BPIFB3: variants seen among roughly 807,000 people sequenced by gnomAD.
BPIFB3 encodes the protein BPI fold-containing family B member 3.
In BPIFB3, 49 loss-of-function variants were observed where a neutral mutation model predicts 53.1. The observed-to-expected ratio is 0.92, with a 90% CI of 0.73 to 1.17. The LOEUF (loss-of-function observed/expected upper bound fraction) is 1.17. Among genes scored for constraint, BPIFB3 ranks in the 50% most tolerant of loss-of-function variants. The probability of loss-of-function intolerance (pLI) is 0.00; values close to 1 mark genes in which losing one functional copy is unlikely to be tolerated. For synonymous variants in BPIFB3, 271 were observed against 269.6 expected (o/e 1.01, Z -0.05); for missense variants, 628 against 592.5 (o/e 1.06, Z -0.62).
chr20:33,056,498 A>G, intron 1 of BPIFB3, 44 bp from the exon 3 acceptor site: 2 of 1,608,826 alleles, frequency 1.2e-6, no homozygotes, highest in Non-Finnish European at 1.7e-6. Context: ...CCTGGGGGTG[A>G]GGTTGGAGTT....
At chr20:33,071,230 A>C in intron 11 of BPIFB3, 23 bp from the exon 13 acceptor site, 1 of 1,556,276 alleles carries the variant, frequency 6.4e-7, no homozygotes. Flanking sequence ...CGGGGGCCCC[A>C]GCATCTCTCT....
At chr20:33,060,154 C>A in intron 4 of BPIFB3, 123 bp downstream of exon 5, 1 of 1,316,156 alleles carries the variant, frequency 7.6e-7, no homozygotes, top group Non-Finnish European at 1.0e-6. Flanking sequence ...CCTACCCCTG[C>A]TTGTCCCGCC....
At chr20:33,059,734 G>C (rs2146382086) in intron 3 of BPIFB3, among the ~76,000 whole-genome samples, 157 bp from the exon 5 acceptor site, 1 of 152,264 alleles carries the variant, frequency 6.6e-6, no homozygotes, top group Non-Finnish European at 1.5e-5. Flanking sequence ...ACCTGAGAGG[G>C]TCAGGGAAGA....
rs368960556 is a variant in BPIFB3 at position 33,055,533 on chromosome 20, A to G, written c.110A>G (p.Asp37Gly). 1.2e-5 allele frequency: 20 copies of G among 1,613,540 alleles called. No individual in the cohort carries two copies. In the South Asian group the frequency reaches 2.2e-4, roughly 18 times the overall value. Reference sequence around the variant, plus strand: ...GGCACGCTCGCTCGGATTGACAAGGATGAACTCGGCAAAGGTGAGCCCCAG... The same window carrying G: ...GGCACGCTCGCTCGGATTGACAAGGGTGAACTCGGCAAAGGTGAGCCCCAG... The change falls in exon 1 of 15, where the codon GAT becomes GGT. Residue 37 changes from aspartate to glycine, a missense_variant. Asp to Gly is a moderately conservative substitution (Grantham distance 94, BLOSUM62 -1). Transcript: ENST00000375494.
At chr20:33,057,186 C>CTTT in intron 2 of BPIFB3, among the ~76,000 whole-genome samples, 1 of 151,068 alleles carries the variant, frequency 6.6e-6, no homozygotes, top group East Asian at 1.9e-4. Flanking sequence ...GCTCAAAAAG[C>CTTT]TTTTTTTTCC....
At chr20:33,056,492 G>A (rs781287975) in intron 1 of BPIFB3, 50 bp from the exon 3 acceptor site, 8 of 1,605,582 alleles carry the variant, frequency 5.0e-6, no homozygotes, top group Non-Finnish European at 6.8e-6. Context: ...CATGGTCCTG[G>A]GGGTGAGGTT....
intron 4 of BPIFB3, among the ~76,000 whole-genome samples, chr20:33,060,810 C>T (rs1216936078): frequency 2.6e-5 from 4 of 152,176 alleles, no homozygotes; most frequent in Non-Finnish European, 1.5e-5. Flanking sequence ...AGTGATCTGC[C>T]CTCCTTGGCC....
chr20:33,072,139 C>T lies in BPIFB3; in HGVS notation c.1296C>T (p.Val432=), dbSNP rs985591613. Residue 432 remains valine, a synonymous_variant, in exon 13 of 15, where the codon GTC becomes GTT. Coordinates refer to ENST00000375494, the Ensembl canonical transcript of BPIFB3. ...TAGAAGAATGGCTCAGCCATGTGGT[C>T]GGGGCAGTGTATGCACCAAAGCTTA... is the stretch of plus-strand genomic sequence containing the variant. 82 of 1,614,028 alleles carry T rather than the reference C, an allele frequency of 5.1e-5. 1 individual carries two copies. Among genetic ancestry groups the T allele is most frequent in the South Asian group, 3.7e-4 (34 of 91,062 alleles).
At chr20:33,057,776 T>C (rs1043416833) in intron 2 of BPIFB3, among the ~76,000 whole-genome samples, 6 of 152,128 alleles carry the variant, frequency 3.9e-5, no homozygotes, top group Admixed American at 3.9e-4. Context: ...GGTCTCAATG[T>C]TTTCCTAAAC....
At chr20:33,059,261 C>T (rs944203288) in intron 2 of BPIFB3, 117 bp from the exon 4 acceptor site, 15 of 683,108 alleles carry the variant, frequency 2.2e-5, no homozygotes, top group Non-Finnish European at 3.9e-5. Flanking sequence ...GCCAAGGGCT[C>T]GCAGCTGGCT....
chr20:33,064,931 A>T lies in BPIFB3; in HGVS notation c.924+86A>T, dbSNP rs372873686. On this transcript the variant is annotated intron_variant, in intron 8 of 14. Coordinates refer to ENST00000375494, the Ensembl canonical transcript of BPIFB3. ...ACTAGTGTTGACCTAGGCCCTGATC[A>T]GCCTTGCTGAGCCCTCCTCTCTATA... 7 of 1,386,522 alleles carry T rather than the reference A, an allele frequency of 5.0e-6. 1 individual carries two copies. The East Asian group carries it at 7.2e-5, about 14-fold the overall frequency. The allele number at this position is 1,386,522 out of a possible 1,614,324, so 85.9% of individuals were successfully genotyped here. A position where few individuals can be genotyped will look rare whatever the true frequency, so the allele number is the denominator to read the frequency against.
At position 33,059,301 on chromosome 20, in the gene BPIFB3, C is replaced by G. The variant is rs1980341805; in HGVS notation, c.282-77C>G. 6 of 1,072,462 alleles carry G rather than the reference C, an allele frequency of 5.6e-6. No individual in the cohort carries two copies. In the African/African-American group the frequency reaches 7.9e-5, roughly 14 times the overall value. The allele number at this position is 1,072,462 out of a possible 1,614,324, so 66.4% of individuals were successfully genotyped here. Reference sequence around the variant, plus strand: ...GGGTTTGAGGTGAGATAGGGGACACCACCAAGAGCCACTCTGGGCGCCGCC... The same window carrying G: ...GGGTTTGAGGTGAGATAGGGGACACGACCAAGAGCCACTCTGGGCGCCGCC... On this transcript the variant is annotated intron_variant, in intron 2 of 14. Coordinates refer to ENST00000375494, the Ensembl canonical transcript of BPIFB3.
chr20:33,070,406 T>C (rs1208278153), intron 11 of BPIFB3, among the ~76,000 whole-genome samples: 2 of 152,216 alleles, frequency 1.3e-5, no homozygotes, highest in Non-Finnish European at 2.9e-5. Flanking sequence ...ATGACCAGAA[T>C]GATGGTGTTG....
chr20:33,071,652 G>C (rs983045045), intron 12 of BPIFB3, among the ~76,000 whole-genome samples: 1 of 152,110 alleles, frequency 6.6e-6, no homozygotes, highest in African/African-American at 2.4e-5. Context: ...TTCCATTTCA[G>C]AGCTCACAGA....
exon 4 of BPIFB3, chr20:33,060,019 G>T: frequency 6.2e-7 from 1 of 1,613,946 alleles, no homozygotes; most frequent in Non-Finnish European, 8.5e-7. Flanking sequence ...GGCCACATCA[G>T]CCTGTTCTCA....
intron 13 of BPIFB3, 34 bp from the exon 15 acceptor site, chr20:33,072,683 T>C (rs11700200): frequency 0.23 from 358,211 of 1,582,754 alleles, 41,986 homozygotes; most frequent in Admixed American, 0.34. Flanking sequence ...TCCCCACCAA[T>C]GTACCTTTGT....
At chr20:33,064,798 C>T (rs767303300) in exon 8 of BPIFB3, 21 of 1,613,866 alleles carry the variant, frequency 1.3e-5, no homozygotes, top group Non-Finnish European at 1.7e-5. Flanking sequence ...CACGTTTGGA[C>T]TCCTGCAGAC....
intron 12 of BPIFB3, 22 bp from the exon 14 acceptor site, chr20:33,072,082 C>T (rs747318431): frequency 1.2e-6 from 2 of 1,613,624 alleles, no homozygotes; most frequent in Non-Finnish European, 1.7e-6. Context: ...CCACCCCCAC[C>T]ACCCTGTGTG....
chr20:33,057,984 C>A (rs1457970040), intron 2 of BPIFB3, among the ~76,000 whole-genome samples: 1 of 152,138 alleles, frequency 6.6e-6, no homozygotes, highest in Non-Finnish European at 1.5e-5. Flanking sequence ...TTATGAACTG[C>A]ATTTAACAGG....
Sources: allele counts gnomAD v4.1 joint callset (sites outside exome capture counted in the v4.1 genomes callset), GRCh38; gene constraint gnomAD v4.1.1; transcripts MANE v1.5; gene names NCBI Gene and HGNC (gene_info 2026-07-23, HGNC 2026-07-21).